BAALC: variants seen among roughly 807,000 people sequenced by gnomAD.
The protein encoded by BAALC is brain and acute leukemia cytoplasmic protein.
A neutral mutation model predicts 15.5 loss-of-function variants in BAALC; 9 were observed. The observed-to-expected ratio is 0.58, with a 90% CI of 0.35 to 1.02. The LOEUF (loss-of-function observed/expected upper bound fraction) is 1.02, where lower values mean the gene tolerates loss of function less well. Among genes scored for constraint, BAALC ranks in the 50% least tolerant of loss-of-function variants. The pLI is 0.02. For synonymous variants in BAALC, 80 were observed against 74.6 expected (o/e 1.07, Z -0.37); for missense variants, 201 against 192.4 (o/e 1.04, Z -0.27).
intron 1 of BAALC, among the ~76,000 whole-genome samples, chr8:103,150,694 T>G (rs554317063): frequency 6.6e-6 from 1 of 152,362 alleles, no homozygotes; most frequent in South Asian, 2.1e-4. Context: ...GTTGTGAGTC[T>G]TGGTCTTTTT....
At chr8:103,187,387 C>T (rs1437336360) in intron 1 of BAALC, among the ~76,000 whole-genome samples, 1 of 152,160 alleles carries the variant, frequency 6.6e-6, no homozygotes, top group African/African-American at 2.4e-5. Flanking sequence ...TGCTGCTAAA[C>T]ATCCTGTAAT....
chr8:103,144,025 T>A (rs979546801), intron 1 of BAALC, among the ~76,000 whole-genome samples: 1 of 152,210 alleles, frequency 6.6e-6, no homozygotes, highest in Admixed American at 6.5e-5. Flanking sequence ...CCATTTCTTC[T>A]GTAGCCTCCC....
At chr8:103,205,400 TCAAA>T (rs1484985812) in intron 1 of BAALC, among the ~76,000 whole-genome samples, 1 of 152,180 alleles carries the variant, frequency 6.6e-6, no homozygotes, top group Non-Finnish European at 1.5e-5. Context: ...GTGAAGGGTG[TCAAA>T]CAAGAAATAC....
At chr8:103,142,339 A>G (rs1319469196) in intron 1 of BAALC, among the ~76,000 whole-genome samples, 1 of 152,240 alleles carries the variant, frequency 6.6e-6, no homozygotes, top group Non-Finnish European at 1.5e-5. Context: ...AAAGCTGTAC[A>G]ATACATTACA....
At chr8:103,157,912 C>T (rs1436464995) in intron 1 of BAALC, among the ~76,000 whole-genome samples, 2 of 152,128 alleles carry the variant, frequency 1.3e-5, no homozygotes, top group African/African-American at 4.8e-5. Context: ...TATGCTTCAA[C>T]CTAATATATA....
chr8:103,206,307 A>G (rs1250779796), intron 1 of BAALC, among the ~76,000 whole-genome samples: 1 of 152,116 alleles, frequency 6.6e-6, no homozygotes. Flanking sequence ...ACAACTGACC[A>G]TCTGTCTTCC....
chr8:103,218,120 G>A (rs536986066), intron 2 of BAALC, among the ~76,000 whole-genome samples: 3 of 152,300 alleles, frequency 2.0e-5, no homozygotes, highest in East Asian at 3.9e-4. Context: ...TTATGGCTGT[G>A]AGCAACAGCA....
intron 1 of BAALC, among the ~76,000 whole-genome samples, chr8:103,162,295 T>A (rs1811244575): frequency 6.6e-6 from 1 of 152,180 alleles, no homozygotes; most frequent in Admixed American, 6.5e-5. Flanking sequence ...TCACTAGTTG[T>A]AAATCTTCAT....
chr8:103,225,424 G>A (rs1487389100), intron 2 of BAALC, among the ~76,000 whole-genome samples: 1 of 152,130 alleles, frequency 6.6e-6, no homozygotes, highest in East Asian at 1.9e-4. Flanking sequence ...TTCCCTAAAC[G>A]CAGAACCTGA....
At chr8:103,160,136 T>C (rs1811189502) in intron 1 of BAALC, among the ~76,000 whole-genome samples, 1 of 152,168 alleles carries the variant, frequency 6.6e-6, no homozygotes, top group Non-Finnish European at 1.5e-5. Flanking sequence ...TCCAGGTTCT[T>C]GGCATCTTGA....
chr8:103,167,483 G>C (rs578086490), intron 1 of BAALC, among the ~76,000 whole-genome samples: 1 of 152,304 alleles, frequency 6.6e-6, no homozygotes, highest in South Asian at 2.1e-4. Flanking sequence ...TAGCCCAGTA[G>C]AGCTGGCGGC....
At chr8:103,226,263 T>G (rs965609102) in intron 2 of BAALC, among the ~76,000 whole-genome samples, 6 of 152,344 alleles carry the variant, frequency 3.9e-5, no homozygotes, top group Admixed American at 3.9e-4. Flanking sequence ...TGACAACAGC[T>G]TCAGCGACCC....
intron 2 of BAALC, among the ~76,000 whole-genome samples, chr8:103,222,445 A>G (rs1384849425): frequency 6.6e-6 from 1 of 152,240 alleles, no homozygotes; most frequent in Non-Finnish European, 1.5e-5. Flanking sequence ...ATACAGGGTC[A>G]AACAAAACCT....
At chr8:103,200,402 T>A (rs1380709455) in intron 1 of BAALC, among the ~76,000 whole-genome samples, 1 of 152,044 alleles carries the variant, frequency 6.6e-6, no homozygotes, top group Non-Finnish European at 1.5e-5. Context: ...CAGAGAAAAA[T>A]TTAGTGCCAA....
intron 1 of BAALC, among the ~76,000 whole-genome samples, chr8:103,157,899 C>T (rs902963507): frequency 1.3e-5 from 2 of 152,128 alleles, no homozygotes; most frequent in Admixed American, 1.3e-4. Context: ...ATCAGCAATT[C>T]CGTATGCTTC....
chr8:103,184,351 T>C (rs891116774), intron 1 of BAALC, among the ~76,000 whole-genome samples: 8 of 152,226 alleles, frequency 5.3e-5, no homozygotes, highest in African/African-American at 1.9e-4. Flanking sequence ...GACCGAGGGT[T>C]ATTCTGCCTT....
intron 1 of BAALC, among the ~76,000 whole-genome samples, chr8:103,145,221 C>A (rs539476251): frequency 2.0e-5 from 3 of 152,360 alleles, no homozygotes; most frequent in Admixed American, 6.5e-5. Context: ...AGGAAGGAGG[C>A]TTTCCCATAA....
In BAALC at chr8:103,185,463, T is replaced by A. The variant is rs138586621; in HGVS notation, c.161-27456T>A. Reference sequence around the variant, plus strand: ...AAGTCTTTGCATTCTCTTTCTATTCTAATGGTTATCCTAAAGTTTATACAC... The same window carrying A: ...AAGTCTTTGCATTCTCTTTCTATTCAAATGGTTATCCTAAAGTTTATACAC... On this transcript the variant is annotated intron_variant, in intron 1 of 2. Coordinates refer to ENST00000309982, the MANE Select transcript of BAALC (RefSeq NM_024812.3). Among the ~76,000 whole-genome samples, 334 of 152,374 alleles carry A rather than the reference T, an allele frequency of 2.2e-3. 3 individuals carry two copies. Among genetic ancestry groups the A allele is most frequent in the East Asian group, 0.013 (67 of 5,194 alleles).
chr8:103,153,541 A>C (rs898704131), intron 1 of BAALC, among the ~76,000 whole-genome samples: 2 of 152,242 alleles, frequency 1.3e-5, no homozygotes, highest in Non-Finnish European at 2.9e-5. Context: ...TTAACTTCAG[A>C]CTGTGCTGTG....
Sources: allele counts gnomAD v4.1 joint callset (sites outside exome capture counted in the v4.1 genomes callset), GRCh38; gene constraint gnomAD v4.1.1; transcripts MANE v1.5; gene names NCBI Gene and HGNC (gene_info 2026-07-23, HGNC 2026-07-21).